The following RBM10 variants were observed in gnomAD, a reference collection of about 807,000 sequenced individuals.
RBM10 encodes RNA-binding protein 10.
A neutral mutation model predicts 84.9 loss-of-function variants in RBM10; 1 was observed. The observed-to-expected ratio is 0.01, with a 90% CI of 0.00 to 0.06. The LOEUF (loss-of-function observed/expected upper bound fraction) is 0.06. RBM10 is among the 10% of genes least tolerant of loss of function. RBM10 has a pLI of 1.00. For missense variants in RBM10, 438 were observed against 839.0 expected (o/e 0.52, Z 5.90); for synonymous variants, 326 against 344.5 (o/e 0.95, Z 0.60).
At position 47,180,636 on chromosome X, in the gene RBM10, G is replaced by A; in HGVS notation, c.1248+130G>A. 4 of 1,085,900 alleles carry A rather than the reference G, an allele frequency of 3.7e-6. No individual in the cohort carries two copies. In the South Asian group the frequency reaches 8.5e-5, roughly 23 times the overall value. The allele number at this position is 1,085,900 out of a possible 1,213,427, so 89.5% of individuals were successfully genotyped here. A position where few individuals can be genotyped will look rare whatever the true frequency, so the allele number is the denominator to read the frequency against. On this transcript the variant is annotated intron_variant, in intron 12 of 23. Coordinates refer to ENST00000377604, the MANE Select transcript of RBM10 (RefSeq NM_005676.5). ...AAACCCTCTCCCAGTAGCTGGCATG[G>A]CTATTCTACCTTGCTCCTGGCTCTC...
At chrX:47,183,717 A>G (rs1935700384) in intron 17 of RBM10, among the ~76,000 whole-genome samples, 1 of 110,431 alleles carries the variant, frequency 9.1e-6, no homozygotes, top group African/African-American at 3.3e-5. Context: ...TTTTTTTGAG[A>G]TGGAGTTTCG....
intron 2 of RBM10, among the ~76,000 whole-genome samples, chrX:47,154,177 T>C (rs1228304155): frequency 8.9e-6 from 1 of 112,179 alleles, no homozygotes; most frequent in Non-Finnish European, 1.9e-5. Flanking sequence ...TCCTCATATA[T>C]GATGATTCAG....
At chrX:47,176,616 G>GGACAGA in intron 7 of RBM10, 30 bp downstream of exon 7, 1 of 1,208,442 alleles carries the variant, frequency 8.3e-7, no homozygotes, top group Non-Finnish European at 1.1e-6. Context: ...CAGTTGTCAT[G>GGACAGA]GACAGAGACA....
At chrX:47,159,403 C>T (rs782424672) in intron 2 of RBM10, among the ~76,000 whole-genome samples, 31 of 92,029 alleles carry the variant, frequency 3.4e-4, no homozygotes, top group East Asian at 2.6e-3. Flanking sequence ...AGCGAAACTC[C>T]GTCTCAAAAA....
intron 4 of RBM10, among the ~76,000 whole-genome samples, chrX:47,172,426 A>C (rs2147140228): frequency 8.9e-6 from 1 of 112,230 alleles, no homozygotes; most frequent in Admixed American, 9.4e-5. Context: ...CTTCCCAAGA[A>C]TGGCTGGCAT....
chrX:47,171,406 C>T (rs1934662850), intron 4 of RBM10, 148 bp downstream of exon 4: 2 of 958,730 alleles, frequency 2.1e-6, no homozygotes, highest in Admixed American at 6.8e-5. Context: ...CTGATCCGTC[C>T]TCTGTGGGCA....
chrX:47,164,834 C>T (rs1427209747), intron 2 of RBM10, among the ~76,000 whole-genome samples: 1 of 112,287 alleles, frequency 8.9e-6, no homozygotes, highest in Admixed American at 9.5e-5. Context: ...TTCATAGCAG[C>T]GTTATTCACA....
chrX:47,178,321 C>T lies in RBM10; in HGVS notation c.664-782C>T, dbSNP rs1011411095. On this transcript the variant is annotated intron_variant, in intron 7 of 23. Coordinates refer to ENST00000377604, the MANE Select transcript of RBM10 (RefSeq NM_005676.5). Reference sequence around the variant, plus strand: ...CGATAACAATCCCTCCCCAGCAAGGCTTAACAAAATGAAACTTCTGGGCAT... The same window carrying T: ...CGATAACAATCCCTCCCCAGCAAGGTTTAACAAAATGAAACTTCTGGGCAT... Among the ~76,000 whole-genome samples the T allele has an allele frequency of 8.1e-5, 9 of 111,664 alleles. No homozygotes were observed. In the Admixed American group the frequency reaches 8.6e-4, roughly 11 times the overall value.
chrX:47,154,550 C>T (rs782536711), intron 2 of RBM10, among the ~76,000 whole-genome samples: 22 of 109,546 alleles, frequency 2.0e-4, no homozygotes, highest in Non-Finnish European at 3.0e-4. Context: ...TTTCCAGGCT[C>T]AGGGGATTCT....
At position 47,145,485 on chromosome X, in the gene RBM10, G is replaced by C. The variant is rs1556761636; in HGVS notation, c.-126G>C. 8.7e-7 allele frequency: 1 copy of C among 1,154,075 alleles called. No individual in the cohort carries two copies. The highest frequency in any genetic ancestry group is 1.1e-6 in the Non-Finnish European group (1 of 871,987). ...CTTCCTTGACAGCCCGGGCCGAGAA[G>C]GTGAGCGTCGACGCTGGTCGTGGGG... On this transcript the variant is annotated splice_region_variant and 5_prime_UTR_variant, in exon 1 of 24. Transcript: ENST00000377604.
In RBM10 at chrX:47,156,799, A is replaced by T. The variant is rs147504769; in HGVS notation, c.17+9301A>T. On this transcript the variant is annotated intron_variant, in intron 2 of 23. Transcript: ENST00000377604. ...GCATCCTGGCCCATCATGCTGCTGCAGCAGCTGTGGCTGGTGCTGCATGTC... is the reference window on the plus strand; with the variant it reads ...GCATCCTGGCCCATCATGCTGCTGCTGCAGCTGTGGCTGGTGCTGCATGTC... 5.1e-4 allele frequency: 86 copies of T among 170,091 alleles called. No individual in the cohort carries two copies. The East Asian group carries it at 0.019, about 37-fold the overall frequency. The allele number at this position is 170,091 out of a possible 1,213,427, so 14.0% of individuals were successfully genotyped here. A position where few individuals can be genotyped will look rare whatever the true frequency, so the allele number is the denominator to read the frequency against.
At chrX:47,147,812 G>A (rs1556762588) in intron 2 of RBM10, among the ~76,000 whole-genome samples, 1 of 111,031 alleles carries the variant, frequency 9.0e-6, no homozygotes, top group African/African-American at 3.3e-5. Context: ...GGTGGGAATG[G>A]CACCATCAGA....
intron 2 of RBM10, among the ~76,000 whole-genome samples, chrX:47,160,411 C>G (rs1556766435): frequency 9.0e-6 from 1 of 111,220 alleles, no homozygotes; most frequent in Non-Finnish European, 1.9e-5. Context: ...AGGCAAAAAG[C>G]AAAATTTCCA....
At chrX:47,163,794 G>A (rs1321258427) in intron 2 of RBM10, among the ~76,000 whole-genome samples, 4 of 105,945 alleles carry the variant, frequency 3.8e-5, no homozygotes, top group African/African-American at 1.0e-4. Context: ...CCAGGTTCAC[G>A]CCATTGTCCT....
At chrX:47,147,843 A>G (rs1932432154) in intron 2 of RBM10, among the ~76,000 whole-genome samples, 1 of 111,399 alleles carries the variant, frequency 9.0e-6, no homozygotes, top group Non-Finnish European at 1.9e-5. Context: ...GCCCGGGACC[A>G]CTAGGGGACA....
chrX:47,166,145 G>A (rs1170422113), intron 2 of RBM10, among the ~76,000 whole-genome samples: 7 of 111,446 alleles, frequency 6.3e-5, no homozygotes, highest in Non-Finnish European at 1.1e-4. Flanking sequence ...AGTGGCTCCC[G>A]TCTGTAATCT....
chrX:47,186,302 T>C lies in RBM10; in HGVS notation c.2582T>C (p.Ile861Thr), dbSNP rs1935902601. 2.5e-6 allele frequency: 3 copies of C among 1,205,602 alleles called. No homozygotes were observed. The highest frequency in any genetic ancestry group is 3.0e-5 in the East Asian group (1 of 33,456). ...CGGGACGGGCTGGGCAGTGACAACA[T>C]TGGCAGTCGGATGCTGCAGGCCATG... Reference protein sequence around the residue: ...PTRDGLGSDNIGSRMLQAMGW... With the variant: ...PTRDGLGSDNTGSRMLQAMGW... The change falls in exon 23 of 24, where the codon ATT (isoleucine) becomes ACT (threonine). Residue 861 changes from isoleucine to threonine, a missense_variant. By Grantham distance (89) the Ile-to-Thr change is moderately conservative (BLOSUM62 -1). Transcript: ENST00000377604.
chrX:47,180,681 C>G (rs1258642493), intron 12 of RBM10, among the ~76,000 whole-genome samples, 175 bp downstream of exon 12: 1 of 111,322 alleles, frequency 9.0e-6, no homozygotes, highest in East Asian at 2.8e-4. Context: ...TGGGACATTC[C>G]CCTTCATCAT....
intron 4 of RBM10, among the ~76,000 whole-genome samples, chrX:47,172,517 G>C (rs1290095080): frequency 8.9e-6 from 1 of 112,118 alleles, no homozygotes; most frequent in African/African-American, 3.2e-5. Context: ...TGCCTCTGCA[G>C]TTTCCCTCTG....
Sources: allele counts gnomAD v4.1 joint callset (sites outside exome capture counted in the v4.1 genomes callset), GRCh38; gene constraint gnomAD v4.1.1; transcripts MANE v1.5; gene names NCBI Gene and HGNC (gene_info 2026-07-23, HGNC 2026-07-21).